Variants in MARCHF1 observed in about 807,000 individuals in gnomAD.
MARCHF1 encodes membrane associated ring-CH-type finger 1, also known as E3 ubiquitin-protein ligase MARCHF1.
MARCHF1 carries 40 observed loss-of-function variants against 54.2 expected under a neutral mutation model. The observed-to-expected ratio is 0.74, with a 90% CI of 0.57 to 0.96. The LOEUF (loss-of-function observed/expected upper bound fraction) is 0.96, where lower values mean the gene tolerates loss of function less well. Among genes scored for constraint, MARCHF1 ranks in the 40% least tolerant of loss-of-function variants. The pLI is 0.00. For missense variants in MARCHF1, 586 were observed against 656.5 expected (o/e 0.89, Z 1.17); for synonymous variants, 236 against 236.3 (o/e 1.00, Z 0.01).
At chr4:163,530,249 C>G (rs1158643436) in intron 9 of MARCHF1, 2 of 151,854 alleles carry the variant, frequency 1.3e-5, no homozygotes, top group South Asian at 2.1e-4. Flanking sequence ...AATAATGAAA[C>G]ATTGAGTATT....
chr4:164,141,287 G>A (rs924185866), intron 1 of MARCHF1, among the ~76,000 whole-genome samples: 2 of 152,180 alleles, frequency 1.3e-5, no homozygotes, highest in African/African-American at 2.4e-5. Flanking sequence ...ATGGGTCTCT[G>A]ACATAGATGT....
chr4:163,780,477 A>G (rs1208478026), intron 4 of MARCHF1, among the ~76,000 whole-genome samples: 4 of 152,160 alleles, frequency 2.6e-5, no homozygotes, highest in Admixed American at 2.6e-4. Context: ...TATTTTGGAT[A>G]TTAGATAGCT....
chr4:163,857,105 G>C (rs1027360762), intron 3 of MARCHF1, among the ~76,000 whole-genome samples: 3 of 145,928 alleles, frequency 2.1e-5, no homozygotes, highest in Non-Finnish European at 4.5e-5. Context: ...AAGGGAGAGA[G>C]AGAAAAAAAA....
intron 2 of MARCHF1, among the ~76,000 whole-genome samples, chr4:164,048,942 C>A (rs1754297400): frequency 6.6e-6 from 1 of 152,092 alleles, no homozygotes; most frequent in Non-Finnish European, 1.5e-5. Context: ...TTACATAAAA[C>A]TTTCTAAGCT....
chr4:164,221,684 A>C (rs1434295609), intron 1 of MARCHF1, among the ~76,000 whole-genome samples: 2 of 151,852 alleles, frequency 1.3e-5, no homozygotes, highest in Non-Finnish European at 2.9e-5. Flanking sequence ...CTCCACCATC[A>C]ATATTTTGAT....
intron 1 of MARCHF1, among the ~76,000 whole-genome samples, chr4:164,150,624 A>T (rs1729908137): frequency 6.6e-6 from 1 of 152,194 alleles, no homozygotes; most frequent in South Asian, 2.1e-4. Context: ...TTTGAGGAAT[A>T]AACTGACCAG....
chr4:163,996,057 T>C (rs1334626663), intron 2 of MARCHF1, among the ~76,000 whole-genome samples: 2 of 152,014 alleles, frequency 1.3e-5, no homozygotes, highest in Non-Finnish European at 2.9e-5. Context: ...TTTTACTAAG[T>C]TTTTTATATC....
At chr4:163,950,872 G>C (rs1192727571) in intron 3 of MARCHF1, among the ~76,000 whole-genome samples, 1 of 152,194 alleles carries the variant, frequency 6.6e-6, no homozygotes, top group East Asian at 1.9e-4. Flanking sequence ...CTTCCTTGAC[G>C]TTAGAAGAAC....
chr4:164,058,997 A>G (rs1411834990), intron 2 of MARCHF1, among the ~76,000 whole-genome samples: 1 of 152,204 alleles, frequency 6.6e-6, no homozygotes, highest in Non-Finnish European at 1.5e-5. Context: ...AAATTTTTCA[A>G]TATCTGAAAT....
At chr4:163,692,258 T>C (rs1345548852) in intron 5 of MARCHF1, among the ~76,000 whole-genome samples, 1 of 152,194 alleles carries the variant, frequency 6.6e-6, no homozygotes, top group African/African-American at 2.4e-5. Context: ...AGTGAAGAAA[T>C]AGTTATTGCC....
rs192529612 is a variant in MARCHF1 at position 163,677,854 on chromosome 4, C to T, written c.162+22959G>A. On this transcript the variant is annotated intron_variant, in intron 5 of 9. Coordinates refer to ENST00000514618, the MANE Select transcript of MARCHF1 (RefSeq NM_001394959.1). ...GAGGAAAAGATGTAGCTTTGGAATC[C>T]CAGATTTCCAACTTGCCAGTTGTGT... is the stretch of plus-strand genomic sequence containing the variant. Among the ~76,000 whole-genome samples the T allele has an allele frequency of 5.9e-4, 90 of 152,254 alleles. 1 individual carries two copies. In the South Asian group the frequency reaches 0.012, roughly 20 times the overall value.
chr4:164,250,759 G>C (rs997946277), intron 1 of MARCHF1, among the ~76,000 whole-genome samples: 4 of 151,974 alleles, frequency 2.6e-5, no homozygotes, highest in African/African-American at 9.7e-5. Flanking sequence ...AAGATGATAA[G>C]ATATTTTAAC....
intron 4 of MARCHF1, among the ~76,000 whole-genome samples, chr4:163,714,534 A>G (rs1745202242): frequency 6.6e-6 from 1 of 152,196 alleles, no homozygotes; most frequent in African/African-American, 2.4e-5. Flanking sequence ...TTAACACAAT[A>G]CCTGCCTGGA....
chr4:164,142,880 C>A (rs556063517), intron 1 of MARCHF1, among the ~76,000 whole-genome samples: 1 of 151,698 alleles, frequency 6.6e-6, no homozygotes, highest in Non-Finnish European at 1.5e-5. Context: ...CTCTGAGCTA[C>A]GGGAGGACAT....
At chr4:164,075,230 A>G (rs1202591649) in intron 2 of MARCHF1, among the ~76,000 whole-genome samples, 2 of 152,236 alleles carry the variant, frequency 1.3e-5, no homozygotes, top group Non-Finnish European at 2.9e-5. Context: ...ATTGAGCTTC[A>G]TTTAATTGGA....
chr4:164,257,112 T>C (rs938612583), intron 1 of MARCHF1, among the ~76,000 whole-genome samples: 11 of 152,192 alleles, frequency 7.2e-5, no homozygotes, highest in Admixed American at 3.9e-4. Context: ...GTTCATCACA[T>C]AATATATACA....
intron 1 of MARCHF1, among the ~76,000 whole-genome samples, chr4:164,378,142 T>A (rs1041510887): frequency 6.6e-6 from 1 of 152,198 alleles, no homozygotes; most frequent in African/African-American, 2.4e-5. Flanking sequence ...GTAATGTGAC[T>A]TTTCACAATA....
At chr4:163,753,017 T>C (rs1425069191) in intron 4 of MARCHF1, among the ~76,000 whole-genome samples, 2 of 152,220 alleles carry the variant, frequency 1.3e-5, no homozygotes, top group African/African-American at 2.4e-5. Context: ...TTTGTTACCA[T>C]GTATTCTTTT....
intron 2 of MARCHF1, among the ~76,000 whole-genome samples, chr4:164,014,644 A>C (rs1753498463): frequency 6.6e-6 from 1 of 152,162 alleles, no homozygotes; most frequent in Non-Finnish European, 1.5e-5. Flanking sequence ...TGCTTACAAG[A>C]AACTCACTTC....
Sources: gnomAD v4.1 joint callset for allele counts (sites outside exome capture counted in the v4.1 genomes callset) on GRCh38, gnomAD v4.1.1 for gene constraint, MANE v1.5 for transcripts, NCBI Gene and HGNC (gene_info 2026-07-23, HGNC 2026-07-21) for gene names.